CCDC141: variants seen among roughly 807,000 people sequenced by gnomAD.
CCDC141 encodes coiled-coil domain-containing protein 141.
A neutral mutation model predicts 181.0 loss-of-function variants in CCDC141; 168 were observed. The ratio of observed to expected loss-of-function variants is 0.93; its 90% CI spans 0.82 to 1.05. CCDC141 has a LOEUF of 1.05. CCDC141 is among the 50% of genes least tolerant of loss of function. The pLI is 0.00. For synonymous variants in CCDC141, 666 were observed against 642.3 expected, an observed-to-expected ratio of 1.04 and a Z score of -0.56; for missense variants, 1,902 against 1,788.5, an observed-to-expected ratio of 1.06 and a Z score of -1.14.
At chr2:178,972,667 A>T (rs1690946534) in intron 4 of CCDC141, among the ~76,000 whole-genome samples, 1 of 152,208 alleles carries the variant, frequency 6.6e-6, no homozygotes, top group South Asian at 2.1e-4. Flanking sequence ...TAATCCGGAA[A>T]CCATATTTGC....
chr2:178,842,265 T>C (rs1684757982), intron 22 of CCDC141, among the ~76,000 whole-genome samples: 1 of 152,236 alleles, frequency 6.6e-6, no homozygotes, highest in Non-Finnish European at 1.5e-5. Context: ...CTGATCTTTG[T>C]CTTTTTGTTG....
chr2:178,974,581 A>C (rs1301008512), intron 4 of CCDC141, among the ~76,000 whole-genome samples: 1 of 152,160 alleles, frequency 6.6e-6, no homozygotes, highest in African/African-American at 2.4e-5. Flanking sequence ...CATCTGGAAA[A>C]ATTCACTGTT....
At chr2:178,821,271 C>T in the CCDC141 span, among the ~76,000 whole-genome samples, 1 of 151,958 alleles carries the variant, frequency 6.6e-6, no homozygotes. Context: ...TATATTTTTT[C>T]TTTATTGAAT....
chr2:178,871,478 C>T lies in CCDC141; in HGVS notation c.2154G>A (p.Gln718=). ...ATTTTTGTCGTAGATCTAAAATGAA[C>T]TGGAGGCTCCCTCCGAGGTCAAGTG... ...VSALDLGGSL[Q]FILDLRQKWN... The change falls in exon 14 of 24, where the codon CAG becomes CAA. Residue 718 remains glutamine, a synonymous_variant. Coordinates refer to ENST00000443758, the MANE Select transcript of CCDC141 (RefSeq NM_173648.4). 1.9e-6 allele frequency: 3 copies of T among 1,613,988 alleles called. No homozygotes were observed. Among genetic ancestry groups the T allele is most frequent in the Non-Finnish European group, 2.5e-6 (3 of 1,179,910 alleles).
At chr2:178,954,006 A>G (rs1050142094) in intron 5 of CCDC141, among the ~76,000 whole-genome samples, 1 of 152,150 alleles carries the variant, frequency 6.6e-6, no homozygotes, top group Admixed American at 6.5e-5. Flanking sequence ...TAAAACCACA[A>G]AACCTTCTGA....
chr2:178,846,250 T>C (rs1244958958), intron 21 of CCDC141, among the ~76,000 whole-genome samples: 1 of 152,172 alleles, frequency 6.6e-6, no homozygotes, highest in South Asian at 2.1e-4. Context: ...GGATGCTTCA[T>C]GTGGTTGAAG....
chr2:178,918,814 G>A lies in CCDC141; in HGVS notation c.991C>T (p.His331Tyr), dbSNP rs1280699804. Reference sequence around the variant, plus strand: ...TCTTGAAGCTGACTGAGTTTCTGGTGAGAGAGCTGGAGGTGTTCTTTCTCC... The same window carrying A: ...TCTTGAAGCTGACTGAGTTTCTGGTAAGAGAGCTGGAGGTGTTCTTTCTCC... ...YVEKEHLQLSHQKLSQLQEEF... is the reference protein window; with the variant it reads ...YVEKEHLQLSYQKLSQLQEEF... The change falls in exon 7 of 24, where the codon CAC (histidine) becomes TAC (tyrosine). Residue 331 changes from histidine to tyrosine, a missense_variant. Coordinates refer to ENST00000443758, the MANE Select transcript of CCDC141 (RefSeq NM_173648.4). 6.4e-7 allele frequency: 1 copy of A among 1,550,480 alleles called. No homozygotes were observed. The highest frequency in any genetic ancestry group is 8.7e-7 in the Non-Finnish European group (1 of 1,146,976).
intron 2 of CCDC141, among the ~76,000 whole-genome samples, chr2:179,005,582 GT>G (rs1242634894): frequency 6.6e-6 from 1 of 152,188 alleles, no homozygotes; most frequent in South Asian, 2.1e-4. Flanking sequence ...TGGGACCTAT[GT>G]TTCACCATCC....
intron 8 of CCDC141, among the ~76,000 whole-genome samples, chr2:178,891,566 C>CA (rs1274287295): frequency 7.9e-5 from 12 of 151,022 alleles, no homozygotes; most frequent in African/African-American, 2.9e-4. Flanking sequence ...AACTGGCTGG[C>CA]TTTTCTAAGT....
chr2:178,815,961 A>C, the CCDC141 span, among the ~76,000 whole-genome samples: 1 of 152,194 alleles, frequency 6.6e-6, no homozygotes, highest in African/African-American at 2.4e-5. Context: ...AGTTTAAAAA[A>C]CAGTAAGCTT....
chr2:178,981,883 T>C (rs948113722), intron 2 of CCDC141, among the ~76,000 whole-genome samples: 2 of 150,672 alleles, frequency 1.3e-5, no homozygotes, highest in Non-Finnish European at 3.0e-5. Flanking sequence ...ATAAAATTGA[T>C]AAATCCCTAG....
At chr2:178,836,774 T>C in intron 23 of CCDC141, 120 bp downstream of exon 23, 2 of 1,052,572 alleles carry the variant, frequency 1.9e-6, no homozygotes, top group South Asian at 1.6e-5. Flanking sequence ...TCATGCAGAG[T>C]TGCAGTGTCA....
intron 12 of CCDC141, chr2:178,877,202 C>T (rs1184758956): frequency 2.0e-5 from 3 of 152,204 alleles, no homozygotes; most frequent in South Asian, 4.1e-4. Flanking sequence ...GCAGAAAAAA[C>T]TCAGACATAG....
chr2:178,908,030 C>G (rs1438671825), intron 7 of CCDC141, among the ~76,000 whole-genome samples: 1 of 151,700 alleles, frequency 6.6e-6, no homozygotes. Flanking sequence ...AACAATGAAA[C>G]AAAAAAGAAA....
At chr2:178,888,694 T>C in intron 8 of CCDC141, 26 bp from the exon 9 acceptor site, 1 of 1,549,954 alleles carries the variant, frequency 6.5e-7, no homozygotes, top group South Asian at 1.2e-5. Context: ...CAGCTGTTAA[T>C]TCACTCCACC....
At chr2:178,939,283 A>C (rs770120481) in intron 6 of CCDC141, among the ~76,000 whole-genome samples, 1 of 152,188 alleles carries the variant, frequency 6.6e-6, no homozygotes, top group Non-Finnish European at 1.5e-5. Context: ...ACTGGGCCTC[A>C]CAAATTATAT....
chr2:179,049,937 G>T lies in CCDC141; in HGVS notation c.5C>A (p.Ser2Tyr), dbSNP rs528185929. The T allele has an allele frequency of 3.2e-6, 5 of 1,550,502 alleles. No individual in the cohort carries two copies. In the South Asian group the frequency reaches 4.8e-5, roughly 15 times the overall value. ...CGCAACACTAGGACTTCCTTGGCTG[G>T]ACATGGTACTTTAGAACCAGAGTTT... M[S>Y]SQGSPSVALS... The change falls in exon 1 of 24, where the codon TCC becomes TAC. Residue 2 changes from serine to tyrosine, a missense_variant. Transcript: ENST00000443758.
chr2:178,954,433 A>G (rs956466333), intron 5 of CCDC141, among the ~76,000 whole-genome samples: 3 of 152,246 alleles, frequency 2.0e-5, no homozygotes, highest in Admixed American at 2.0e-4. Context: ...TTATGAGGCT[A>G]TCACATCCCA....
chr2:179,014,863 A>C (rs1330057834), intron 2 of CCDC141, among the ~76,000 whole-genome samples: 1 of 151,758 alleles, frequency 6.6e-6, no homozygotes, highest in Non-Finnish European at 1.5e-5. Context: ...AACAGTGTGG[A>C]GTTTCCTTAA....
Sources: gnomAD v4.1 joint callset for allele counts (sites outside exome capture counted in the v4.1 genomes callset) on GRCh38, gnomAD v4.1.1 for gene constraint, MANE v1.5 for transcripts, NCBI Gene and HGNC (gene_info 2026-07-23, HGNC 2026-07-21) for gene names.